Variants in EIF5A observed in about 807,000 individuals in gnomAD.
The protein encoded by EIF5A is eukaryotic translation initiation factor 5A-1.
A neutral mutation model predicts 16.6 loss-of-function variants in EIF5A; 1 was observed. The observed-to-expected ratio is 0.06, with a 90% CI of 0.02 to 0.28. EIF5A has a LOEUF of 0.28. EIF5A is among the 10% of genes least tolerant of loss of function. The pLI, the probability that EIF5A is intolerant of heterozygous loss-of-function variation, is 1.00. For missense variants in EIF5A, 29 were observed against 196.1 expected, an observed-to-expected ratio of 0.15 and a Z score of 5.09; for synonymous variants, 80 against 73.6, an observed-to-expected ratio of 1.09 and a Z score of -0.44.
At chr17:7,308,094 G>C (rs1169276826) in intron 1 of EIF5A, 1 of 992,490 alleles carries the variant, frequency 1.0e-6, no homozygotes, top group African/African-American at 1.8e-5. Context: ...TGAGGACCCG[G>C]CTCAGCGCGG....
intron 2 of EIF5A, chr17:7,310,473 T>G: frequency 2.6e-6 from 3 of 1,172,644 alleles, no homozygotes; most frequent in Non-Finnish European, 3.2e-6. Context: ...CCTTAATCAG[T>G]TTTTCCATCT....
At chr17:7,309,494 CT>C in intron 1 of EIF5A, 120 bp from the exon 2 acceptor site, 1 of 1,363,068 alleles carries the variant, frequency 7.3e-7, no homozygotes, top group Non-Finnish European at 1.0e-6. Flanking sequence ...GGAACTTTGA[CT>C]TTATTTTAGG....
chr17:7,308,024 C>T (rs1185599308), intron 1 of EIF5A: 44 of 985,166 alleles, frequency 4.5e-5, no homozygotes, highest in Non-Finnish European at 5.3e-5. Flanking sequence ...GCCAGGCGGC[C>T]ACGCCGGGGC....
rs2072662831 is a variant in EIF5A at position 7,307,646 on chromosome 17, A to AGGAGCG, written c.-127_-126insGAGCGG. 1 of 1,051,090 alleles carries AGGAGCG rather than the reference A, an allele frequency of 9.5e-7. No individual in the cohort carries two copies. The highest frequency in any genetic ancestry group is 1.1e-6 in the Non-Finnish European group (1 of 872,870). 65.1% of individuals were successfully genotyped at this position (1,051,090 alleles called of 1,614,324 possible). ...CGCCTGCGTACTAAGACCCGTGTGC[A>AGGAGCG]GCAGCGGCGGCGGCGGTAGAGGCGG... On this transcript the variant is annotated 5_prime_UTR_variant, in exon 1 of 6. Coordinates refer to ENST00000336458, the MANE Select transcript of EIF5A (RefSeq NM_001970.5).
rs1458160052 is a variant in EIF5A at position 7,311,139 on chromosome 17, G to C, written c.270+17G>C. 6.2e-7 allele frequency: 1 copy of C among 1,612,816 alleles called. No individual in the cohort carries two copies. Among genetic ancestry groups the C allele is most frequent in the African/African-American group, 1.3e-5 (1 of 75,022 alleles). The stretch of plus-strand genomic sequence containing the variant: ...GACTTCCAGGTATGTAGATGGTCTG[G>C]ATGAGGATGGGTTAGCGGTTTATGG... On this transcript the variant is annotated intron_variant, in intron 3 of 5. Transcript: ENST00000336458.
At chr17:7,310,405 C>T (rs2072783934) in intron 2 of EIF5A, 2 of 1,183,994 alleles carry the variant, frequency 1.7e-6, no homozygotes, top group African/African-American at 3.2e-5. Flanking sequence ...TCAGACTTTT[C>T]CTGTCTCTTT....
At chr17:7,307,205 C>A (rs893953369), upstream of EIF5A, 17 of 1,395,978 alleles carry the variant, frequency 1.2e-5, no homozygotes, top group African/African-American at 2.9e-5. Flanking sequence ...GCGGCGTGGT[C>A]TTTTCAACGC....
intron 2 of EIF5A, 62 bp from the exon 3 acceptor site, chr17:7,310,956 G>A: frequency 1.3e-6 from 2 of 1,547,738 alleles, no homozygotes; most frequent in Non-Finnish European, 1.8e-6. Flanking sequence ...AGGTCAATTT[G>A]AGCCTTTATT....
chr17:7,308,143 C>T (rs2072684160), intron 1 of EIF5A: 1 of 798,150 alleles, frequency 1.3e-6, no homozygotes, highest in Non-Finnish European at 1.5e-6. Context: ...GGTGAGAGGG[C>T]ATGATGGGGG....
chr17:7,307,442 G>T, upstream of EIF5A: 1 of 1,093,002 alleles, frequency 9.1e-7, no homozygotes, highest in Non-Finnish European at 1.1e-6. Context: ...AGTTGAAAAC[G>T]CTCAGGGTTT....
At chr17:7,311,756 T>C (rs1380392055) in intron 5 of EIF5A, 66 bp from the exon 6 acceptor site, 1 of 1,407,938 alleles carries the variant, frequency 7.1e-7, no homozygotes, top group Non-Finnish European at 9.9e-7. Flanking sequence ...CTAGCCTGGC[T>C]CTGTCCTCCC....
rs1443115200 is a variant in EIF5A at position 7,309,597 on chromosome 17, T to C, written c.-21-18T>C. 6.2e-7 allele frequency: 1 copy of C among 1,613,792 alleles called. No homozygotes were observed. Among genetic ancestry groups the C allele is most frequent in the East Asian group, 2.2e-5 (1 of 44,898 alleles). On this transcript the variant is annotated intron_variant, in intron 1 of 5. Coordinates refer to ENST00000336458, the MANE Select transcript of EIF5A (RefSeq NM_001970.5). The stretch of plus-strand genomic sequence containing the variant: ...TGACCTCCATGCTTATTCACTTCAG[T>C]TCTCTTCTTGGCTCTAGTTGGAATC...
At chr17:7,311,310 G>A in intron 3 of EIF5A, 40 bp from the exon 4 acceptor site, 1 of 1,613,638 alleles carries the variant, frequency 6.2e-7, no homozygotes, top group Non-Finnish European at 8.5e-7. Flanking sequence ...CAGCCTCCCT[G>A]GGCCTACTAC....
intron 1 of EIF5A, 46 bp from the exon 2 acceptor site, chr17:7,309,569 T>A (rs1439155775): frequency 1.2e-6 from 2 of 1,601,618 alleles, no homozygotes; most frequent in Non-Finnish European, 1.7e-6. Flanking sequence ...TTGGAGGTCC[T>A]GTTGACCTCC....
chr17:7,309,948 T>C (rs1454175695), intron 2 of EIF5A, 148 bp downstream of exon 2: 2 of 1,554,566 alleles, frequency 1.3e-6, no homozygotes, highest in Non-Finnish European at 1.7e-6. Flanking sequence ...TTCATACCCA[T>C]TCAGACAACT....
chr17:7,308,386 C>T (rs894961900), intron 1 of EIF5A: 120 of 1,222,612 alleles, frequency 9.8e-5, no homozygotes, highest in Non-Finnish European at 1.1e-4. Context: ...AGCCGGCAGC[C>T]CCTAGCGCGG....
At chr17:7,310,187 A>G (rs1429283047) in intron 2 of EIF5A, 17 of 1,292,804 alleles carry the variant, frequency 1.3e-5, no homozygotes, top group Non-Finnish European at 1.6e-5. Context: ...GGTTTCTCCA[A>G]TTCTACGCCT....
intron 2 of EIF5A, chr17:7,310,461 T>C: frequency 8.5e-7 from 1 of 1,174,092 alleles, no homozygotes; most frequent in Non-Finnish European, 1.1e-6. Flanking sequence ...TGTGGTGTTT[T>C]TCCTTAATCA....
Position 7,311,415 on chromosome 17 carries a change from T to A in EIF5A, c.336T>A (p.Leu112=). 1 of 1,614,130 alleles carries A rather than the reference T, an allele frequency of 6.2e-7. No homozygotes were observed. The highest frequency in any genetic ancestry group is 8.5e-7 in the Non-Finnish European group (1 of 1,180,014). The change falls in exon 4 of 6, where the codon CTT becomes CTA. Residue 112 remains leucine, a synonymous_variant. Coordinates refer to ENST00000336458, the MANE Select transcript of EIF5A (RefSeq NM_001970.5). ...LQDSGEVRED[L]RLPEGDLGKE... is the part of the protein sequence containing the mutation. ...ACAGCGGGGAGGTACGAGAGGACCT[T>A]CGTCTCCCTGAGGGAGACCTTGGCA... is the stretch of plus-strand genomic sequence containing the variant.
Sources: allele counts gnomAD v4.1 joint callset, GRCh38; gene constraint gnomAD v4.1.1; transcripts MANE v1.5; gene names NCBI Gene and HGNC (gene_info 2026-07-23, HGNC 2026-07-21).